Variants in PDE1C observed in about 807,000 individuals in gnomAD.
PDE1C encodes the protein phosphodiesterase 1C.
A neutral mutation model predicts 93.1 loss-of-function variants in PDE1C; 62 were observed. The observed-to-expected ratio is 0.67, with a 90% confidence interval of 0.54 to 0.82. The LOEUF is 0.82. Ranked by LOEUF, PDE1C falls within the 40% of genes least tolerant of loss-of-function variation. The probability of loss-of-function intolerance (pLI) is 0.00; values close to 1 mark genes in which losing one functional copy is unlikely to be tolerated. For synonymous variants in PDE1C, 325 were observed against 310.1 expected (o/e 1.05, Z -0.50); for missense variants, 742 against 884.6 (o/e 0.84, Z 2.04).
intron 1 of PDE1C, among the ~76,000 whole-genome samples, chr7:32,340,832 T>C (rs968124758): frequency 6.6e-6 from 1 of 151,966 alleles, no homozygotes; most frequent in South Asian, 2.1e-4. Flanking sequence ...TTAGTAAGGG[T>C]TGGGGTGGAA....
At chr7:31,906,184 CT>C (rs1375216649) in intron 2 of PDE1C, among the ~76,000 whole-genome samples, 1 of 152,186 alleles carries the variant, frequency 6.6e-6, no homozygotes, top group Non-Finnish European at 1.5e-5. Context: ...ACCTTCTTCT[CT>C]TTATGTTAAA....
intron 2 of PDE1C, among the ~76,000 whole-genome samples, chr7:31,960,840 CA>C (rs1259527203): frequency 2.0e-5 from 3 of 152,102 alleles, no homozygotes; most frequent in Non-Finnish European, 4.4e-5. Flanking sequence ...ACAGGTGTAT[CA>C]GTCAAAATGA....
At chr7:32,314,067 A>C (rs1192934741) in intron 1 of PDE1C, among the ~76,000 whole-genome samples, 3 of 151,834 alleles carry the variant, frequency 2.0e-5, no homozygotes, top group African/African-American at 7.2e-5. Flanking sequence ...AAAATAAATA[A>C]ATAAATAAAA....
chr7:32,419,025 G>A (rs1451476117), intron 1 of PDE1C, among the ~76,000 whole-genome samples: 1 of 152,148 alleles, frequency 6.6e-6, no homozygotes, highest in African/African-American at 2.4e-5. Flanking sequence ...CAGTAAGGGA[G>A]CCCAGTACTC....
intron 2 of PDE1C, among the ~76,000 whole-genome samples, chr7:31,956,965 G>A (rs1003263890): frequency 2.0e-5 from 3 of 151,644 alleles, no homozygotes; most frequent in Non-Finnish European, 4.4e-5. Flanking sequence ...TCCTAATAAG[G>A]CTGCCTCATT....
Position 31,806,875 on chromosome 7 carries a change from C to A in PDE1C, c.1891+2156G>T, listed in dbSNP as rs113125756. 5.5e-3 allele frequency among the ~76,000 whole-genome samples: 836 copies of A among 151,898 alleles called. 12 individuals are homozygous for A. Among genetic ancestry groups the A allele is most frequent in the African/African-American group, 0.019 (795 of 41,488 alleles). The stretch of plus-strand genomic sequence containing the variant: ...ATAATAGGATCCAAAAAGAAATGTT[C>A]AAAAATGTATCCAGTTTTTTCTACA... On this transcript the variant is annotated intron_variant, in intron 16 of 17. Transcript: ENST00000396191.
intron 3 of PDE1C, among the ~76,000 whole-genome samples, chr7:32,147,282 AAGAAAG>A (rs1800928970): frequency 8.4e-6 from 1 of 118,430 alleles, no homozygotes; most frequent in Admixed American, 8.8e-5. Flanking sequence ...AAAAGAAAGA[AAGAAAG>A]AAAGAAAGAA....
the PDE1C span, chr7:31,651,299 G>T: frequency 1.0e-5 from 16 of 1,607,314 alleles, no homozygotes; most frequent in Non-Finnish European, 1.4e-5. Context: ...ATAAAAGTAA[G>T]TACCAGCCCA....
chr7:31,639,624 C>A, the PDE1C span, among the ~76,000 whole-genome samples: 1 of 150,568 alleles, frequency 6.6e-6, no homozygotes, highest in Non-Finnish European at 1.5e-5. Context: ...GAAAGCTCTG[C>A]CTCCCGGGTT....
downstream of PDE1C, among the ~76,000 whole-genome samples, chr7:31,748,908 T>C (rs1420752789): frequency 6.6e-6 from 1 of 152,216 alleles, no homozygotes; most frequent in Non-Finnish European, 1.5e-5. Context: ...AGAATATAAT[T>C]GATCATGTGA....
chr7:32,146,098 T>C (rs1057470453), intron 3 of PDE1C, among the ~76,000 whole-genome samples: 3 of 152,118 alleles, frequency 2.0e-5, no homozygotes, highest in African/African-American at 7.2e-5. Flanking sequence ...ATGGCTGCCG[T>C]GTGGCTCAGT....
chr7:31,870,440 A>G lies in PDE1C; in HGVS notation c.609+2852T>C, dbSNP rs549664183. On this transcript the variant is annotated intron_variant, in intron 6 of 17. Transcript: ENST00000396191. The stretch of plus-strand genomic sequence containing the variant: ...GGAGATATTACAACTGATACCACAG[A>G]AACACAAAAGGTCATCAGAGACTAT... 7.2e-5 allele frequency among the ~76,000 whole-genome samples: 11 copies of G among 152,224 alleles called. No homozygotes were observed. In the South Asian group the frequency reaches 2.1e-3, roughly 29 times the overall value.
At chr7:32,187,317 T>C (rs980053176) in intron 2 of PDE1C, among the ~76,000 whole-genome samples, 5 of 152,024 alleles carry the variant, frequency 3.3e-5, no homozygotes, top group African/African-American at 1.2e-4. Flanking sequence ...AAACTTAAAA[T>C]TATATATTCT....
At chr7:31,732,966 C>T in the PDE1C span, among the ~76,000 whole-genome samples, 1 of 152,162 alleles carries the variant, frequency 6.6e-6, no homozygotes, top group Non-Finnish European at 1.5e-5. Context: ...AAATGTCAGG[C>T]TGTGAGCTTA....
intron 1 of PDE1C, among the ~76,000 whole-genome samples, chr7:32,339,473 A>C (rs990369900): frequency 6.6e-6 from 1 of 152,222 alleles, no homozygotes; most frequent in Non-Finnish European, 1.5e-5. Context: ...TGAACTGCAC[A>C]CTTTAAAAAG....
intron 1 of PDE1C, among the ~76,000 whole-genome samples, chr7:32,267,872 T>A (rs1338892886): frequency 1.3e-5 from 2 of 152,152 alleles, no homozygotes; most frequent in Non-Finnish European, 2.9e-5. Flanking sequence ...TTATTCTTTA[T>A]GATAATCACA....
At chr7:31,729,401 AG>A in the PDE1C span, among the ~76,000 whole-genome samples, 1 of 152,218 alleles carries the variant, frequency 6.6e-6, no homozygotes, top group Non-Finnish European at 1.5e-5. Context: ...AAGCCTGAAG[AG>A]GGGGCACTTA....
chr7:31,898,449 G>C (rs986354687), intron 2 of PDE1C, among the ~76,000 whole-genome samples: 2 of 151,996 alleles, frequency 1.3e-5, no homozygotes, highest in Non-Finnish European at 2.9e-5. Context: ...GTTATTAAGA[G>C]TTTTTCTCTG....
chr7:32,256,826 T>C (rs1809828658), intron 1 of PDE1C, among the ~76,000 whole-genome samples: 1 of 152,224 alleles, frequency 6.6e-6, no homozygotes, highest in South Asian at 2.1e-4. Context: ...TATATTAAAA[T>C]GCTCTGTGAA....
Sources: allele counts gnomAD v4.1 joint callset (sites outside exome capture counted in the v4.1 genomes callset), GRCh38; gene constraint gnomAD v4.1.1; transcripts MANE v1.5; gene names NCBI Gene and HGNC (gene_info 2026-07-23, HGNC 2026-07-21).